IMMP2L: variants seen among roughly 807,000 people sequenced by gnomAD.
The protein encoded by IMMP2L is mitochondrial inner membrane protease subunit 2.
IMMP2L carries 18 observed loss-of-function variants against 19.3 expected under a neutral mutation model. The ratio of observed to expected loss-of-function variants is 0.93; its 90% CI spans 0.64 to 1.38. The LOEUF (loss-of-function observed/expected upper bound fraction) is 1.38. IMMP2L is among the 40% of genes most tolerant of loss of function. The pLI, the probability that IMMP2L is intolerant of heterozygous loss-of-function variation, is 0.00. For missense variants in IMMP2L, 233 were observed against 218.2 expected (o/e 1.07, Z -0.43); for synonymous variants, 76 against 73.0 (o/e 1.04, Z -0.21).
chr7:111,396,332 AAAG>A (rs1832862018), intron 3 of IMMP2L, among the ~76,000 whole-genome samples: 1 of 152,166 alleles, frequency 6.6e-6, no homozygotes, highest in South Asian at 2.1e-4. Flanking sequence ...GCAGCCATAA[AAAG>A]AATAAGTTCA....
At chr7:111,488,650 A>C (rs1842845733) in intron 2 of IMMP2L, among the ~76,000 whole-genome samples, 1 of 152,144 alleles carries the variant, frequency 6.6e-6, no homozygotes, top group African/African-American at 2.4e-5. Flanking sequence ...GTGCAAGTAC[A>C]CATCTTTTTC....
intron 3 of IMMP2L, among the ~76,000 whole-genome samples, chr7:110,989,381 T>C (rs987623118): frequency 3.3e-5 from 5 of 151,540 alleles, no homozygotes; most frequent in African/African-American, 4.8e-5. Flanking sequence ...TACAAAAAAA[T>C]TTTTTAAAAA....
intron 3 of IMMP2L, among the ~76,000 whole-genome samples, chr7:111,376,546 C>T (rs957284861): frequency 6.6e-6 from 1 of 151,986 alleles, no homozygotes; most frequent in African/African-American, 2.4e-5. Context: ...AATTCTACTC[C>T]TAGCTATATA....
intron 4 of IMMP2L, among the ~76,000 whole-genome samples, chr7:110,938,119 A>C: frequency 6.6e-6 from 1 of 151,882 alleles, no homozygotes. Context: ...CAAACTCCCA[A>C]TTTTCGTGTT....
At chr7:110,884,236 G>T (rs1367630768) in intron 5 of IMMP2L, among the ~76,000 whole-genome samples, 1 of 151,972 alleles carries the variant, frequency 6.6e-6, no homozygotes, top group East Asian at 1.9e-4. Flanking sequence ...AATAGAAAAT[G>T]TATTTATCTA....
intron 4 of IMMP2L, among the ~76,000 whole-genome samples, chr7:110,943,391 G>C (rs1297434372): frequency 6.6e-6 from 1 of 151,950 alleles, no homozygotes; most frequent in Non-Finnish European, 1.5e-5. Flanking sequence ...GTGTATCCTT[G>C]TTCAAAATAT....
intron 1 of IMMP2L, among the ~76,000 whole-genome samples, chr7:111,533,116 G>A (rs150089539): frequency 6.6e-6 from 1 of 152,148 alleles, no homozygotes; most frequent in African/African-American, 2.4e-5. Flanking sequence ...CAAGAGGCCA[G>A]AGTATAAAGC....
chr7:111,124,443 T>C, intron 3 of IMMP2L: 4 of 1,613,772 alleles, frequency 2.5e-6, no homozygotes, highest in Non-Finnish European at 3.4e-6. Context: ...GGACAGCCTT[T>C]GTCAAGACTG....
At chr7:111,031,891 G>GA (rs1173586864) in intron 3 of IMMP2L, among the ~76,000 whole-genome samples, 2 of 147,252 alleles carry the variant, frequency 1.4e-5, no homozygotes, top group East Asian at 4.0e-4. Flanking sequence ...TCTTACTCCA[G>GA]AAAAAACCTA....
Position 111,562,317 on chromosome 7 carries a change from C to A in IMMP2L, c.-469G>T, listed in dbSNP as rs1181426541. The A allele has an allele frequency of 6.6e-6, 1 of 152,158 alleles. No homozygotes were observed. Among genetic ancestry groups the A allele is most frequent in the Admixed American group, 6.6e-5 (1 of 15,262 alleles). The allele number at this position is 152,158 out of a possible 1,614,324, so 9.4% of individuals were successfully genotyped here. Reference sequence around the variant, plus strand: ...CGCACCCCTCCGCCTCCCGGCAACGCCCGCCCCGCCGGGGCCGGGGCCGAC... The same window carrying A: ...CGCACCCCTCCGCCTCCCGGCAACGACCGCCCCGCCGGGGCCGGGGCCGAC... On this transcript the variant is annotated 5_prime_UTR_variant, in exon 1 of 6. Transcript: ENST00000405709.
chr7:111,526,840 G>A (rs1846913257), intron 1 of IMMP2L, among the ~76,000 whole-genome samples: 1 of 152,140 alleles, frequency 6.6e-6, no homozygotes, highest in Non-Finnish European at 1.5e-5. Flanking sequence ...AACAGCTGAG[G>A]ATACCTGCAG....
intron 5 of IMMP2L, among the ~76,000 whole-genome samples, chr7:110,781,445 A>G (rs543557596): frequency 6.6e-6 from 1 of 151,966 alleles, no homozygotes; most frequent in South Asian, 2.1e-4. Flanking sequence ...TATATTCTCT[A>G]ATTTCTAAAT....
At chr7:111,232,980 G>A (rs942527927) in intron 3 of IMMP2L, among the ~76,000 whole-genome samples, 28 of 151,912 alleles carry the variant, frequency 1.8e-4, no homozygotes, top group Non-Finnish European at 2.5e-4. Flanking sequence ...ATCTTGCTTC[G>A]ATCTCACTGT....
chr7:111,005,884 C>T (rs192419230), intron 3 of IMMP2L, among the ~76,000 whole-genome samples: 100 of 152,178 alleles, frequency 6.6e-4, no homozygotes, highest in African/African-American at 2.2e-3. Context: ...CTTCAGAATG[C>T]ATGGAAACAG....
At chr7:110,817,788 G>C (rs1802664949) in intron 5 of IMMP2L, among the ~76,000 whole-genome samples, 1 of 152,118 alleles carries the variant, frequency 6.6e-6, no homozygotes, top group African/African-American at 2.4e-5. Flanking sequence ...GAACAGAACA[G>C]AGACCTCAGA....
At chr7:110,855,297 T>C (rs1563027868) in intron 5 of IMMP2L, among the ~76,000 whole-genome samples, 1 of 152,164 alleles carries the variant, frequency 6.6e-6, no homozygotes, top group South Asian at 2.1e-4. Flanking sequence ...TGTTAGACAC[T>C]TCTATCTTTT....
At chr7:111,094,258 T>C (rs990816674) in intron 3 of IMMP2L, among the ~76,000 whole-genome samples, 6 of 152,212 alleles carry the variant, frequency 3.9e-5, no homozygotes, top group African/African-American at 1.4e-4. Context: ...AAAACACTTA[T>C]GTAAGTTAAA....
At chr7:111,377,102 G>A (rs1419225842) in intron 3 of IMMP2L, among the ~76,000 whole-genome samples, 1 of 151,592 alleles carries the variant, frequency 6.6e-6, no homozygotes, top group Non-Finnish European at 1.5e-5. Context: ...ATATATATTT[G>A]CACAATAAAA....
At chr7:110,830,193 T>G (rs1803845627) in intron 5 of IMMP2L, among the ~76,000 whole-genome samples, 1 of 152,136 alleles carries the variant, frequency 6.6e-6, no homozygotes, top group South Asian at 2.1e-4. Context: ...AAAAGGGACA[T>G]TCTAATCTTG....
Sources: gnomAD v4.1 joint callset for allele counts (sites outside exome capture counted in the v4.1 genomes callset) on GRCh38, gnomAD v4.1.1 for gene constraint, MANE v1.5 for transcripts, NCBI Gene and HGNC (gene_info 2026-07-23, HGNC 2026-07-21) for gene names.